The following FBN3 variants were observed in gnomAD, a reference collection of about 807,000 sequenced individuals.
FBN3 encodes the protein fibrillin 3.
A neutral mutation model predicts 330.1 loss-of-function variants in FBN3; 234 were observed. The observed-to-expected ratio is 0.71, with a 90% CI of 0.64 to 0.79. The LOEUF is 0.79. Among genes scored for constraint, FBN3 ranks in the 30% least tolerant of loss-of-function variants. The probability of loss-of-function intolerance (pLI) is 0.00; values close to 1 mark genes in which losing one functional copy is unlikely to be tolerated. For missense variants in FBN3, 3,606 were observed against 3,886.9 expected, an observed-to-expected ratio of 0.93 and a Z score of 1.92; for synonymous variants, 1,458 against 1,517.3, an observed-to-expected ratio of 0.96 and a Z score of 0.91.
At chr19:8,098,246 G>A (rs1349332416) in intron 41 of FBN3, among the ~76,000 whole-genome samples, 1 of 152,138 alleles carries the variant, frequency 6.6e-6, no homozygotes, top group Non-Finnish European at 1.5e-5. Flanking sequence ...AAGAACCTAA[G>A]TGTCCATCAA....
At chr19:8,130,628 GAAAGAAAGAAA>G (rs1305437102) in intron 16 of FBN3, among the ~76,000 whole-genome samples, 48 of 1,338 alleles carry the variant, frequency 0.036, 16 homozygotes, top group African/African-American at 0.074. Context: ...AAGAAAGAAA[GAAAGAAAGAAA>G]GAAAGGAAAG....
chr19:8,095,941 G>T (rs769413102), intron 45 of FBN3, 23 bp downstream of exon 45: 1 of 1,507,006 alleles, frequency 6.6e-7, no homozygotes, highest in South Asian at 1.1e-5. Context: ...TTTGTGGCCA[G>T]CCTGCCACCT....
At position 8,096,386 on chromosome 19, in the gene FBN3, G is replaced by C. The variant is rs1297676079; in HGVS notation, c.5539+58C>G. 36 of 1,572,840 alleles carry C rather than the reference G, an allele frequency of 2.3e-5. No individual in the cohort carries two copies. The highest frequency in any genetic ancestry group is 2.8e-5 in the Non-Finnish European group (32 of 1,156,854). On this transcript the variant is annotated intron_variant, in intron 44 of 63. Coordinates refer to ENST00000600128, the MANE Select transcript of FBN3 (RefSeq NM_032447.5). This position sits in a 1 kb window ranked among gnomAD's most constrained non-coding sequence, Gnocchi z 4.6. ...ACAGAAACACCACTTCCATCCCAGG[G>C]GAGGTTTAGACCCCAGGCAGCCTGG...
At chr19:8,111,522 A>T in intron 32 of FBN3, 126 bp downstream of exon 32, 1 of 1,106,022 alleles carries the variant, frequency 9.0e-7, no homozygotes, top group Non-Finnish European at 1.3e-6. Flanking sequence ...CAGCCTCTCC[A>T]GCACCCACAG....
At position 8,108,252 on chromosome 19, in the gene FBN3, C is replaced by T; in HGVS notation, c.4619-14G>A. 2 of 1,602,350 alleles carry T rather than the reference C, an allele frequency of 1.2e-6. No homozygotes were observed. The highest frequency in any genetic ancestry group is 2.2e-5 in the East Asian group (1 of 44,482). ...TTCTGTACTCAGCTGTAAAGGGAAA[C>T]AGGCTCCTGTGAGGTGGGGTATTGG... On this transcript the variant is annotated splice_polypyrimidine_tract_variant and intron_variant, in intron 36 of 63. Transcript: ENST00000600128.
intron 34 of FBN3, among the ~76,000 whole-genome samples, chr19:8,110,635 T>G (rs2082556724): frequency 6.6e-6 from 1 of 152,162 alleles, no homozygotes; most frequent in African/African-American, 2.4e-5. Context: ...GCAGCTAGCG[T>G]GGAGGGGCCA....
chr19:8,100,839 G>T, intron 41 of FBN3, 62 bp downstream of exon 41: 3 of 1,327,620 alleles, frequency 2.3e-6, no homozygotes, highest in Non-Finnish European at 3.3e-6. Flanking sequence ...GAGGGGAGGG[G>T]TGGGAGGAAG....
rs1568452938 is a variant in FBN3 at position 8,138,149 on chromosome 19, G to A, written c.1193C>T (p.Ser398Phe). The A allele has an allele frequency of 1.9e-6, 3 of 1,610,606 alleles. No individual in the cohort carries two copies. The highest frequency in any genetic ancestry group is 2.5e-6 in the Non-Finnish European group (3 of 1,178,896). The part of the protein sequence containing the change: ...RGIPSLGPGN[S>F]NIGTATLNQT... ...CAAGCCCCAGGCCTCACCAATATTAGAGTTGCCAGGGCCCAGGCTGGGGAT... is the reference window on the plus strand; with the variant it reads ...CAAGCCCCAGGCCTCACCAATATTAAAGTTGCCAGGGCCCAGGCTGGGGAT... The change falls in exon 10 of 64, where the codon TCT becomes TTT. Residue 398 changes from serine (S) to phenylalanine (F), a missense_variant. Ser to Phe is a radical substitution (Grantham distance 155). Coordinates refer to ENST00000600128, the MANE Select transcript of FBN3 (RefSeq NM_032447.5).
At chr19:8,102,683 G>C (rs748972531) in intron 40 of FBN3, 41 bp downstream of exon 40, 9 of 1,592,378 alleles carry the variant, frequency 5.7e-6, no homozygotes, top group Non-Finnish European at 7.7e-6. Flanking sequence ...ATTATGCTAG[G>C]AGGGGCCAGG....
chr19:8,093,349 C>A (rs964594522), intron 47 of FBN3, among the ~76,000 whole-genome samples: 1 of 151,984 alleles, frequency 6.6e-6, no homozygotes, highest in African/African-American at 2.4e-5. Context: ...TTGGGCCTGG[C>A]GCAATGGCTC....
Position 8,087,849 on chromosome 19 carries a change from G to A in FBN3, c.6595C>T (p.Arg2199Trp), listed in dbSNP as rs145108656. ...CCTCGACACATGGCCCCATCCTCCC[G>A]CAGGGTGTAGCCGGCTGGACAGGTG... is the stretch of plus-strand genomic sequence containing the variant. ...LCTCPAGYTL[R>W]EDGAMCRDVD... The change falls in exon 53 of 64, where the codon CGG (arginine) becomes TGG (tryptophan). Residue 2199 changes from arginine (R) to tryptophan (W), a missense_variant. Transcript: ENST00000600128. 7.8e-5 allele frequency: 126 copies of A among 1,613,856 alleles called. No individual in the cohort carries two copies. Among genetic ancestry groups the A allele is most frequent in the Middle Eastern group, 3.3e-4 (2 of 6,082 alleles).
chr19:8,112,002 C>G lies in FBN3; in HGVS notation c.3936G>C (p.Trp1312Cys). ...CGTGACATTCGAAGCCATCCCCCAC[C>G]CAGCCTGGCAGGCACCTACAGCTGA... is the stretch of plus-strand genomic sequence containing the variant. ...GSFSCRCLPG[W>C]VGDGFECHDL... Residue 1312 changes from tryptophan (W) to cysteine (C), a missense_variant, in exon 31 of 64, where the codon TGG becomes TGC. Trp to Cys is a radical substitution (Grantham distance 215). Transcript: ENST00000600128. 6.2e-7 allele frequency: 1 copy of G among 1,611,072 alleles called. No homozygotes were observed. The highest frequency in any genetic ancestry group is 1.3e-5 in the African/African-American group (1 of 74,304).
chr19:8,126,673 CCCAG>C, intron 19 of FBN3, 36 bp downstream of exon 19: 4 of 1,587,902 alleles, frequency 2.5e-6, no homozygotes, highest in Non-Finnish European at 3.4e-6. Flanking sequence ...CCCATAGACG[CCCAG>C]CCTCTGGAAC....
At chr19:8,133,700 C>G (rs2083209044) in intron 13 of FBN3, among the ~76,000 whole-genome samples, 1 of 151,970 alleles carries the variant, frequency 6.6e-6, no homozygotes, top group Non-Finnish European at 1.5e-5. Context: ...GATAAGCCCG[C>G]CTCGTCCTCC....
chr19:8,104,030 T>G (rs1206286757), intron 38 of FBN3, among the ~76,000 whole-genome samples: 1 of 151,270 alleles, frequency 6.6e-6, no homozygotes, highest in Non-Finnish European at 1.5e-5. Context: ...CCCAGCCACT[T>G]GGGAGGATCA....
At chr19:8,093,759 AAAAC>A (rs1356133911) in intron 47 of FBN3, among the ~76,000 whole-genome samples, 1 of 151,466 alleles carries the variant, frequency 6.6e-6, no homozygotes, top group Non-Finnish European at 1.5e-5. Flanking sequence ...CTCTCAAAAC[AAAAC>A]AAACAAAAAA....
chr19:8,143,335 GTCC>G (rs1234650378), intron 6 of FBN3, among the ~76,000 whole-genome samples: 1 of 152,020 alleles, frequency 6.6e-6, no homozygotes, highest in Non-Finnish European at 1.5e-5. Context: ...TGAGCTCAGA[GTCC>G]TCCTCCTCCC....
rs142803604 is a variant in FBN3 at position 8,139,721 on chromosome 19, C to T, written c.866-1157G>A. Among the ~76,000 whole-genome samples, 299 of 152,112 alleles carry T rather than the reference C, an allele frequency of 2.0e-3. 1 individual carries two copies. Among genetic ancestry groups the T allele is most frequent in the African/African-American group, 6.9e-3 (286 of 41,502 alleles). ...GAACCACCAACACTCTTCCACTTCC[C>T]ACTGCGCCCTCAAGGTCAATGGCTT... On this transcript the variant is annotated intron_variant, in intron 8 of 63. Coordinates refer to ENST00000600128, the MANE Select transcript of FBN3 (RefSeq NM_032447.5).
chr19:8,115,125 G>A (rs2082677634), intron 30 of FBN3, among the ~76,000 whole-genome samples: 1 of 152,206 alleles, frequency 6.6e-6, no homozygotes, highest in African/African-American at 2.4e-5. Flanking sequence ...AAAGTGCTGG[G>A]ATTACAGGCA....
Sources: allele counts gnomAD v4.1 joint callset (sites outside exome capture counted in the v4.1 genomes callset), GRCh38; gene constraint gnomAD v4.1.1; non-coding constraint Gnocchi (gnomAD v3.1); transcripts MANE v1.5; gene names NCBI Gene and HGNC (gene_info 2026-07-23, HGNC 2026-07-21).